PTGER3: variants seen among roughly 807,000 people sequenced by gnomAD.
The protein encoded by PTGER3 is prostaglandin E2 receptor EP3 subtype.
Under a neutral mutation model 34.7 loss-of-function variants are expected in PTGER3, and 22 were observed. The ratio of observed to expected loss-of-function variants is 0.63; its 90% CI spans 0.45 to 0.91. PTGER3 has a LOEUF of 0.91. Ranked by LOEUF, PTGER3 falls within the 40% of genes least tolerant of loss-of-function variation. The pLI is 0.00. For synonymous variants in PTGER3, 241 were observed against 230.1 expected, an observed-to-expected ratio of 1.05 and a Z score of -0.43; for missense variants, 468 against 519.4, an observed-to-expected ratio of 0.90 and a Z score of 0.96.
At chr1:71,014,086 T>C (rs887546304) in intron 1 of PTGER3, among the ~76,000 whole-genome samples, 1 of 152,246 alleles carries the variant, frequency 6.6e-6, no homozygotes, top group Admixed American at 6.5e-5. Context: ...TTCTTTTGAC[T>C]TTTTAAAAAT....
At chr1:71,026,800 T>G (rs1242928769) in intron 1 of PTGER3, among the ~76,000 whole-genome samples, 1 of 152,182 alleles carries the variant, frequency 6.6e-6, no homozygotes, top group Non-Finnish European at 1.5e-5. Context: ...GACCCCCATC[T>G]TTTATTATTA....
At chr1:71,038,481 A>T (rs1005647055) in intron 1 of PTGER3, among the ~76,000 whole-genome samples, 2 of 152,194 alleles carry the variant, frequency 1.3e-5, no homozygotes, top group African/African-American at 4.8e-5. Flanking sequence ...TTCTAAAAAT[A>T]AAGTGTGAAT....
intron 4 of PTGER3, among the ~76,000 whole-genome samples, chr1:70,866,173 G>A (rs1646038632): frequency 6.6e-6 from 1 of 152,084 alleles, no homozygotes. Flanking sequence ...CTCACCAGAG[G>A]GCTTGGCCTG....
intron 4 of PTGER3, among the ~76,000 whole-genome samples, chr1:70,919,825 G>T (rs967164378): frequency 6.6e-6 from 1 of 152,142 alleles, no homozygotes; most frequent in African/African-American, 2.4e-5. Flanking sequence ...TTCAGGGAGA[G>T]TTCCATTTGT....
At chr1:71,006,104 T>C (rs1656934125) in intron 2 of PTGER3, 13 of 922,006 alleles carry the variant, frequency 1.4e-5, no homozygotes, top group Non-Finnish European at 1.4e-5. Context: ...CACTGGAACT[T>C]ATTTCTGTTA....
chr1:71,020,376 C>T (rs1287938143), intron 1 of PTGER3, among the ~76,000 whole-genome samples: 2 of 151,998 alleles, frequency 1.3e-5, no homozygotes, highest in Non-Finnish European at 2.9e-5. Context: ...CTAGTTTTGC[C>T]ATCATTTACA....
rs1646332212 is a variant in PTGER3, at chr1:70,879,110, TTCATAGG to T, written c.*24-26258_*24-26252del. On this transcript the variant is annotated intron_variant, in intron 4 of 4. Coordinates refer to the PTGER3 transcript ENST00000370931. ...ATTGTTGTGTGGTTATCTAAATCTC[TTCATAGG>T]TCTGTAAGTATTTGCTTTATGAATT... is the stretch of plus-strand genomic sequence containing the variant. Among the ~76,000 whole-genome samples, 3 of 152,328 alleles carry T rather than the reference TTCATAGG, an allele frequency of 2.0e-5. No individual in the cohort carries two copies. In the South Asian group the frequency reaches 6.2e-4, roughly 32 times the overall value.
intron 4 of PTGER3, among the ~76,000 whole-genome samples, chr1:70,857,756 G>T (rs1303897402): frequency 6.6e-6 from 1 of 151,956 alleles, no homozygotes; most frequent in Non-Finnish European, 1.5e-5. Flanking sequence ...GGATGGTCTC[G>T]ATTTCCCGAA....
chr1:71,028,434 C>T (rs1175126665), intron 1 of PTGER3, among the ~76,000 whole-genome samples: 1 of 152,100 alleles, frequency 6.6e-6, no homozygotes, highest in East Asian at 1.9e-4. Flanking sequence ...TGAAGGCTGC[C>T]CTAATTTTGG....
chr1:70,902,917 T>A (rs1258031029), intron 4 of PTGER3, among the ~76,000 whole-genome samples: 1 of 152,170 alleles, frequency 6.6e-6, no homozygotes, highest in Non-Finnish European at 1.5e-5. Flanking sequence ...CCAAAAGATA[T>A]GCCTCATGTC....
intron 2 of PTGER3, among the ~76,000 whole-genome samples, chr1:70,954,064 T>C (rs1255612324): frequency 6.6e-6 from 1 of 152,158 alleles, no homozygotes; most frequent in Non-Finnish European, 1.5e-5. Context: ...TGTGTTCAAC[T>C]CATGCTTTCC....
chr1:70,858,403 T>C (rs1645857028), intron 4 of PTGER3, among the ~76,000 whole-genome samples: 2 of 152,168 alleles, frequency 1.3e-5, no homozygotes, highest in South Asian at 4.1e-4. Context: ...TAAATTTCTA[T>C]TATTCTCTGA....
chr1:70,869,201 T>G (rs777862465), intron 4 of PTGER3: 1 of 453,560 alleles, frequency 2.2e-6, no homozygotes. Flanking sequence ...GCAGGGGTGG[T>G]ATCACACTTT....
At chr1:70,993,396 A>G (rs1312319971) in intron 2 of PTGER3, among the ~76,000 whole-genome samples, 3 of 152,222 alleles carry the variant, frequency 2.0e-5, no homozygotes, top group Non-Finnish European at 4.4e-5. Flanking sequence ...CCTAAAAGCT[A>G]GAGGAATCAT....
At chr1:70,879,887 G>GGCC (rs1646352615) in intron 4 of PTGER3, among the ~76,000 whole-genome samples, 1 of 152,136 alleles carries the variant, frequency 6.6e-6, no homozygotes, top group African/African-American at 2.4e-5. Flanking sequence ...GAGGTCAAGA[G>GGCC]ATTGAGACCA....
intron 2 of PTGER3, among the ~76,000 whole-genome samples, chr1:70,997,434 C>A (rs1404900473): frequency 2.0e-5 from 3 of 151,974 alleles, no homozygotes; most frequent in African/African-American, 2.4e-5. Flanking sequence ...ATATTTTACA[C>A]ATAGCAAAAA....
At chr1:70,960,610 A>C (rs1455771800) in intron 2 of PTGER3, among the ~76,000 whole-genome samples, 1 of 152,130 alleles carries the variant, frequency 6.6e-6, no homozygotes, top group Non-Finnish European at 1.5e-5. Flanking sequence ...ATGTCATTCT[A>C]TCAATGTCTT....
chr1:70,948,465 C>T (rs1650433916), downstream of PTGER3, among the ~76,000 whole-genome samples: 1 of 152,088 alleles, frequency 6.6e-6, no homozygotes, highest in South Asian at 2.1e-4. Flanking sequence ...TCAATTAAAC[C>T]TCTTTCCTTT....
intron 2 of PTGER3, among the ~76,000 whole-genome samples, chr1:70,976,960 A>G (rs1653765875): frequency 2.0e-5 from 3 of 152,162 alleles, no homozygotes. Context: ...ATTGCCAAGT[A>G]TATAAGATAT....
Sources: allele counts gnomAD v4.1 joint callset (sites outside exome capture counted in the v4.1 genomes callset), GRCh38; gene constraint gnomAD v4.1.1; transcripts MANE v1.5; gene names NCBI Gene and HGNC (gene_info 2026-07-23, HGNC 2026-07-21).